HPSE2: variants seen among roughly 807,000 people sequenced by gnomAD.
The protein encoded by HPSE2 is inactive heparanase-2.
A neutral mutation model predicts 60.5 loss-of-function variants in HPSE2; 38 were observed. The ratio of observed to expected loss-of-function variants is 0.63; its 90% confidence interval spans 0.48 to 0.82. HPSE2 has a LOEUF of 0.82. HPSE2 is among the 40% of genes least tolerant of loss of function. The pLI is 0.00. For missense variants in HPSE2, 713 were observed against 740.4 expected (o/e 0.96, Z 0.43); for synonymous variants, 295 against 293.2 (o/e 1.01, Z -0.06).
chr10:98,620,711 GT>G lies in HPSE2; in HGVS notation c.1099-4del. The G allele has an allele frequency of 6.2e-7, 1 of 1,603,030 alleles. No individual in the cohort carries two copies. The highest frequency in any genetic ancestry group is 8.5e-7 in the Non-Finnish European group (1 of 1,170,222). On this transcript the variant is annotated splice_polypyrimidine_tract_variant and splice_region_variant and intron_variant, in intron 7 of 11. Transcript: ENST00000370552. The stretch of plus-strand genomic sequence containing the variant: ...CCTGGAGTGTATGTATTAACCACCT[GT>G]TTACACAACAAAAGCAGAAGGGGAT...
intron 3 of HPSE2, among the ~76,000 whole-genome samples, chr10:99,133,969 A>T (rs1845546852): frequency 6.6e-6 from 1 of 152,200 alleles, no homozygotes; most frequent in Admixed American, 6.5e-5. Context: ...GAAGCTAAGA[A>T]CCTTGAAAAA....
chr10:99,110,565 G>A (rs1844419243), intron 3 of HPSE2, among the ~76,000 whole-genome samples: 2 of 152,098 alleles, frequency 1.3e-5, no homozygotes, highest in South Asian at 4.1e-4. Context: ...GGGAAAATAT[G>A]TTCAGAGTAA....
intron 3 of HPSE2, among the ~76,000 whole-genome samples, chr10:98,923,490 T>A (rs541768031): frequency 6.6e-6 from 1 of 152,182 alleles, no homozygotes; most frequent in African/African-American, 2.4e-5. Flanking sequence ...TCTATCCCTA[T>A]CTCTTTCTCT....
At chr10:98,544,668 G>A (rs1471465063) in intron 9 of HPSE2, among the ~76,000 whole-genome samples, 3 of 130,288 alleles carry the variant, frequency 2.3e-5, no homozygotes, top group South Asian at 2.5e-4. Flanking sequence ...AGCCGAGATC[G>A]CGCCACTGCA....
intron 3 of HPSE2, among the ~76,000 whole-genome samples, chr10:98,912,629 G>T (rs1013776948): frequency 6.6e-6 from 1 of 152,056 alleles, no homozygotes; most frequent in Admixed American, 6.6e-5. Context: ...GAATGAGAGG[G>T]TCATTTGCAA....
intron 3 of HPSE2, among the ~76,000 whole-genome samples, chr10:98,968,836 A>T (rs569961819): frequency 6.6e-6 from 1 of 151,084 alleles, no homozygotes; most frequent in African/African-American, 2.4e-5. Flanking sequence ...GACTCTGGGG[A>T]GTTGGGAGGA....
the HPSE2 span, among the ~76,000 whole-genome samples, chr10:99,252,876 CAAAA>C: frequency 4.9e-4 from 51 of 103,808 alleles, no homozygotes; most frequent in Admixed American, 9.6e-4. Flanking sequence ...GACTCCGTCT[CAAAA>C]AAAAAAAAAA....
intron 3 of HPSE2, among the ~76,000 whole-genome samples, chr10:98,803,637 T>A (rs910688864): frequency 6.6e-6 from 1 of 151,572 alleles, no homozygotes; most frequent in African/African-American, 2.4e-5. Context: ...GTTGTAGATA[T>A]GCGGCATTAT....
intron 9 of HPSE2, among the ~76,000 whole-genome samples, chr10:98,550,123 C>T (rs1275989614): frequency 6.6e-6 from 1 of 152,196 alleles, no homozygotes; most frequent in African/African-American, 2.4e-5. Flanking sequence ...TCAACCCATT[C>T]TCTCTCTGTG....
At chr10:98,501,417 T>C (rs1361893350) in intron 9 of HPSE2, among the ~76,000 whole-genome samples, 1 of 152,152 alleles carries the variant, frequency 6.6e-6, no homozygotes, top group African/African-American at 2.4e-5. Context: ...ATAAATGCAA[T>C]ACACCACATA....
intron 2 of HPSE2, among the ~76,000 whole-genome samples, chr10:99,229,935 C>T (rs1265653864): frequency 6.6e-6 from 1 of 152,152 alleles, no homozygotes; most frequent in Non-Finnish European, 1.5e-5. Context: ...TGAGACTATA[C>T]CAAGAACATT....
intron 6 of HPSE2, among the ~76,000 whole-genome samples, chr10:98,689,414 T>C (rs760078245): frequency 5.9e-5 from 9 of 152,214 alleles, no homozygotes; most frequent in Non-Finnish European, 1.2e-4. Flanking sequence ...TACTCTTCTT[T>C]TCACTTCAAG....
At chr10:98,994,486 T>A (rs1484144949) in intron 3 of HPSE2, among the ~76,000 whole-genome samples, 6 of 151,908 alleles carry the variant, frequency 3.9e-5, no homozygotes, top group African/African-American at 1.5e-4. Context: ...CAAACAGGCA[T>A]CATAGGCAAG....
chr10:98,690,372 C>A (rs1345814033), intron 6 of HPSE2, among the ~76,000 whole-genome samples: 1 of 152,072 alleles, frequency 6.6e-6, no homozygotes, highest in Non-Finnish European at 1.5e-5. Context: ...AACCCCATCT[C>A]TAATAAACAT....
At chr10:98,811,850 T>C (rs189143314) in intron 3 of HPSE2, among the ~76,000 whole-genome samples, 19 of 152,194 alleles carry the variant, frequency 1.2e-4, no homozygotes, top group Admixed American at 1.2e-3. Flanking sequence ...TTTATCATTG[T>C]TTTACAGTTT....
At chr10:99,085,901 C>T (rs1035717531) in intron 3 of HPSE2, among the ~76,000 whole-genome samples, 5 of 152,184 alleles carry the variant, frequency 3.3e-5, no homozygotes, top group Non-Finnish European at 7.3e-5. Flanking sequence ...ACATCAAGCA[C>T]CCATCTAATT....
rs542698451 is a variant in HPSE2, at chr10:98,639,425, A to G, written c.1098+2422T>C. 2.6e-5 allele frequency among the ~76,000 whole-genome samples: 4 copies of G among 152,290 alleles called. No individual in the cohort carries two copies. The South Asian group carries it at 6.2e-4, about 24-fold the overall frequency. ...GGACCCTGGGCATGTTCTGTTTGCA[A>G]TTGCCAAAAGGTAAGTTCAGACCCT... On this transcript the variant is annotated intron_variant, in intron 7 of 11. Coordinates refer to ENST00000370552, the MANE Select transcript of HPSE2 (RefSeq NM_021828.5).
At chr10:99,307,729 T>C in the HPSE2 span, among the ~76,000 whole-genome samples, 3 of 152,248 alleles carry the variant, frequency 2.0e-5, no homozygotes, top group East Asian at 3.9e-4. Flanking sequence ...CCATGGGGTA[T>C]GCCCTTGACC....
intron 3 of HPSE2, among the ~76,000 whole-genome samples, chr10:98,916,278 T>C (rs1011222295): frequency 6.6e-6 from 1 of 152,218 alleles, no homozygotes; most frequent in East Asian, 1.9e-4. Context: ...GACAAATTGC[T>C]CTTGATTTAT....
Sources: allele counts gnomAD v4.1 joint callset (sites outside exome capture counted in the v4.1 genomes callset), GRCh38; gene constraint gnomAD v4.1.1; transcripts MANE v1.5; gene names NCBI Gene and HGNC (gene_info 2026-07-23, HGNC 2026-07-21).